SARS2: variants seen among roughly 807,000 people sequenced by gnomAD.
SARS2 encodes seryl-tRNA synthetase 2, mitochondrial.
Under a neutral mutation model 66.8 loss-of-function variants are expected in SARS2, and 52 were observed. The ratio of observed to expected loss-of-function variants is 0.78; its 90% CI spans 0.62 to 0.98. The LOEUF (loss-of-function observed/expected upper bound fraction) is 0.98, where lower values mean the gene tolerates loss of function less well. Among genes scored for constraint, SARS2 ranks in the 50% least tolerant of loss-of-function variants. SARS2 has a pLI of 0.00. For missense variants in SARS2, 673 were observed against 706.3 expected (o/e 0.95, Z 0.53); for synonymous variants, 306 against 281.4 (o/e 1.09, Z -0.87).
chr19:38,916,371 G>A lies in SARS2; in HGVS notation c.1161-57C>T, dbSNP rs1974418825. 6 of 1,484,192 alleles carry A rather than the reference G, an allele frequency of 4.0e-6. No individual in the cohort carries two copies. The Admixed American group carries it at 8.7e-5, about 22-fold the overall frequency. 91.9% of individuals were successfully genotyped at this position (1,484,192 alleles called of 1,614,324 possible). A position where few individuals can be genotyped will look rare whatever the true frequency, so the allele number is the denominator to read the frequency against. On this transcript the variant is annotated intron_variant, in intron 12 of 15. Transcript: ENST00000221431. ...CAGCGGGTGAGAGGAGGAGCAAGAG[G>A]AACAAATGGAAACGATGGAAGAGAA...
Position 38,926,228 on chromosome 19 carries a change from T to C in SARS2, c.340A>G (p.Thr114Ala). 2 of 1,606,764 alleles carry C rather than the reference T, an allele frequency of 1.2e-6. No individual in the cohort carries two copies. The highest frequency in any genetic ancestry group is 1.7e-6 in the Non-Finnish European group (2 of 1,179,954). Residue 114 changes from threonine (T) to alanine (A), a missense_variant, in exon 2 of 16, where the codon ACT becomes GCT. By Grantham distance (58) the Thr-to-Ala change is moderately conservative. Coordinates refer to ENST00000221431, the MANE Select transcript of SARS2 (RefSeq NM_017827.4). ...RSLEEEKAAV[T>A]EAVRALLANQ... ...ACCAGCAGGGCCCGCACTGCCTCAG[T>C]CACAGCTGCCTTCTCTTCCTCCAGG...
intron 5 of SARS2, 115 bp from the exon 6 acceptor site, chr19:38,920,264 G>T: frequency 3.6e-6 from 3 of 826,880 alleles, no homozygotes; most frequent in Non-Finnish European, 4.1e-6. Context: ...TAAAGGAGGG[G>T]CAGGAGGAGA....
At chr19:38,925,173 C>T (rs995892180) in intron 2 of SARS2, among the ~76,000 whole-genome samples, 1 of 152,032 alleles carries the variant, frequency 6.6e-6, no homozygotes, top group Non-Finnish European at 1.5e-5. Flanking sequence ...ATTAGCCGGG[C>T]GTGGTGGCGC....
At position 38,921,655 on chromosome 19, in the gene SARS2, G is replaced by A; in HGVS notation, c.406C>T (p.Gln136Ter). The change falls in exon 4 of 16, where the codon CAG becomes TAG. Residue 136 changes from glutamine (Q) to a stop codon, truncating the protein, a stop_gained. Transcript: ENST00000221431. LOFTEE classifies it high-confidence loss of function. ...SGEVQQDPKY[Q>*]GLRARGREIR... Reference sequence around the variant, plus strand: ...TCCCGGCCACGTGCCCGCAGACCCTGGTACTTGGGGTCCTGGGGGCAGCAC... The same window carrying A: ...TCCCGGCCACGTGCCCGCAGACCCTAGTACTTGGGGTCCTGGGGGCAGCAC... 6.2e-7 allele frequency: 1 copy of A among 1,614,162 alleles called. No individual in the cohort carries two copies. Among genetic ancestry groups the A allele is most frequent in the South Asian group, 1.1e-5 (1 of 91,070 alleles).
At chr19:38,917,125 G>C (rs903648993) in intron 12 of SARS2, among the ~76,000 whole-genome samples, 1 of 151,842 alleles carries the variant, frequency 6.6e-6, no homozygotes, top group Non-Finnish European at 1.5e-5. Context: ...ACCATACCCG[G>C]CTAATTTTAA....
rs1363411347 is a variant in SARS2, at chr19:38,916,110, C to CAAGCA, written c.1273_1274insTGCTT (p.Cys425LeufsTer28). ...GAGGCGGCGGCTCTGGAAGTCTGTGCAGTTGGAAGCACTGGTGACCTGGGG... is the reference window on the plus strand; with the variant it reads ...GAGGCGGCGGCTCTGGAAGTCTGTGCAAGCAAGTTGGAAGCACTGGTGACCTGGGG... On this transcript the variant is annotated frameshift_variant, in exon 14 of 16. Transcript: ENST00000221431. LOFTEE classifies it high-confidence loss of function. 2 of 1,613,898 alleles carry CAAGCA rather than the reference C, an allele frequency of 1.2e-6. No individual in the cohort carries two copies. The highest frequency in any genetic ancestry group is 1.7e-6 in the Non-Finnish European group (2 of 1,179,954).
rs557023478 is a variant in SARS2, at chr19:38,916,523, G to T, written c.1161-209C>A. 9.9e-5 allele frequency among the ~76,000 whole-genome samples: 15 copies of T among 152,270 alleles called. 1 individual carries two copies. Among genetic ancestry groups the T allele is most frequent in the African/African-American group, 2.9e-4 (12 of 41,558 alleles). ...ATAGTGCCAAAGGAGAGAGTTGTGA[G>T]GCCAGGGGTGGTTATGGAGAAGGTG... is the stretch of plus-strand genomic sequence containing the variant. On this transcript the variant is annotated intron_variant, in intron 12 of 15. Coordinates refer to ENST00000221431, the MANE Select transcript of SARS2 (RefSeq NM_017827.4).
In SARS2 at chr19:38,927,888, T is replaced by C. The variant is rs564248009; in HGVS notation, c.268-1588A>G. ...TCTCTACTAAAAATACAAAAATTAA[T>C]TGGGGGTGGAGGCGTGCGCCTGTAA... On this transcript the variant is annotated intron_variant, in intron 1 of 15. Transcript: ENST00000221431. Among the ~76,000 whole-genome samples, 9 of 151,292 alleles carry C rather than the reference T, an allele frequency of 5.9e-5. No homozygotes were observed. In the East Asian group the frequency reaches 1.2e-3, roughly 20 times the overall value.
At position 38,930,720 on chromosome 19, in the gene SARS2, G is replaced by A. The variant is rs201988841; in HGVS notation, c.17C>T (p.Ala6Val). 509 of 1,613,354 alleles carry A rather than the reference G, an allele frequency of 3.2e-4. No homozygotes were observed. The highest frequency in any genetic ancestry group is 4.2e-4 in the Non-Finnish European group (495 of 1,180,020). Residue 6 changes from alanine to valine, a missense_variant, in exon 1 of 16, where the codon GCG becomes GTG. By Grantham distance (64) the Ala-to-Val change is moderately conservative. Transcript: ENST00000221431. ...AGTCAGCAAAGGCCACAAGCGCCGC[G>A]CCATGGACGCAGCCATCTTGGACCG... MAASM[A>V]RRLWPLLTRR...
chr19:38,921,862 C>A, intron 3 of SARS2, 195 bp from the exon 4 acceptor site: 1 of 1,331,986 alleles, frequency 7.5e-7, no homozygotes, highest in African/African-American at 1.5e-5. Flanking sequence ...CAGGCCTGGC[C>A]AACTAGAACG....
chr19:38,929,888 G>A (rs193192375), intron 1 of SARS2, among the ~76,000 whole-genome samples: 3 of 152,300 alleles, frequency 2.0e-5, no homozygotes, highest in Admixed American at 6.5e-5. Context: ...ATAAGTGCTA[G>A]CAATTTTATT....
chr19:38,922,389 C>G, intron 2 of SARS2, 122 bp from the exon 3 acceptor site: 1 of 875,990 alleles, frequency 1.1e-6, no homozygotes, highest in South Asian at 1.4e-5. Context: ...CAGTGCCTAG[C>G]TGGGTCCCTC....
chr19:38,915,985 C>T (rs1308220983), intron 14 of SARS2, 52 bp downstream of exon 14: 44 of 1,611,946 alleles, frequency 2.7e-5, no homozygotes, highest in East Asian at 1.6e-4. Context: ...GGGTCTAGGG[C>T]GGCAGAGGCT....
intron 3 of SARS2, 93 bp downstream of exon 3, chr19:38,922,140 TTTGAG>T (rs878977755): frequency 8.1e-6 from 13 of 1,598,606 alleles, no homozygotes; most frequent in South Asian, 1.1e-5. Context: ...CTTAAACCTG[TTTGAG>T]TTGTTTTCTG....
Position 38,918,483 on chromosome 19 carries a change from G to A in SARS2, c.855C>T (p.Asn285=). 1 of 1,614,206 alleles carries A rather than the reference G, an allele frequency of 6.2e-7. No individual in the cohort carries two copies. Among genetic ancestry groups the A allele is most frequent in the Non-Finnish European group, 8.5e-7 (1 of 1,180,000 alleles). The change falls in exon 9 of 16, where the codon AAC becomes AAT. Residue 285 remains asparagine (N), a synonymous_variant. Coordinates refer to ENST00000221431, the MANE Select transcript of SARS2 (RefSeq NM_017827.4). ...GATCTTTGAAGCGGGCAGGGTCGAT[G>A]TTGTAAATTTGGGATGGGTTGGCAT... ...TPNANPSQIY[N]IDPARFKDLN... is the part of the protein sequence containing the mutation.
At chr19:38,923,143 G>C (rs1202915926) in intron 2 of SARS2, among the ~76,000 whole-genome samples, 1 of 150,010 alleles carries the variant, frequency 6.7e-6, no homozygotes, top group African/African-American at 2.5e-5. Flanking sequence ...CTGACTTTGT[G>C]ATCCACCTGC....
intron 1 of SARS2, chr19:38,930,186 G>C (rs1186416037): frequency 6.9e-6 from 3 of 434,714 alleles, no homozygotes; most frequent in African/African-American, 4.0e-5. Flanking sequence ...GGAGGGCAAT[G>C]TCACATAGCA....
intron 7 of SARS2, 110 bp downstream of exon 7, chr19:38,919,652 C>T: frequency 1.2e-6 from 1 of 841,782 alleles, no homozygotes; most frequent in Non-Finnish European, 2.1e-6. Flanking sequence ...ACATGAAGCT[C>T]TGAGAGCAGT....
At chr19:38,928,243 T>C (rs1016818918) in intron 1 of SARS2, 1 of 151,996 alleles carries the variant, frequency 6.6e-6, no homozygotes, top group African/African-American at 2.4e-5. Flanking sequence ...TTGGGTGTGG[T>C]GGTGCACAAC....
Sources: allele counts gnomAD v4.1 joint callset (sites outside exome capture counted in the v4.1 genomes callset), GRCh38; gene constraint gnomAD v4.1.1; transcripts MANE v1.5; gene names NCBI Gene and HGNC (gene_info 2026-07-23, HGNC 2026-07-21).